The following ADAMTS12 variants were observed in gnomAD, a reference collection of about 807,000 sequenced individuals.
The protein encoded by ADAMTS12 is A disintegrin and metalloproteinase with thrombospondin motifs 12.
In ADAMTS12, 118 loss-of-function variants were observed where a neutral mutation model predicts 167.8. That is an observed-to-expected ratio of 0.70 (90% CI 0.61 to 0.82). The LOEUF (loss-of-function observed/expected upper bound fraction) is 0.82, where lower values mean the gene tolerates loss of function less well. Among genes scored for constraint, ADAMTS12 ranks in the 40% least tolerant of loss-of-function variants. ADAMTS12 has a pLI of 0.00. For synonymous variants in ADAMTS12, 704 were observed against 716.9 expected, an observed-to-expected ratio of 0.98 and a Z score of 0.29; for missense variants, 1,916 against 1,998.8, an observed-to-expected ratio of 0.96 and a Z score of 0.79.
At chr5:33,577,347 G>A (rs988371576) in intron 18 of ADAMTS12, among the ~76,000 whole-genome samples, 187 bp from the exon 19 acceptor site, 1 of 152,158 alleles carries the variant, frequency 6.6e-6, no homozygotes, top group Non-Finnish European at 1.5e-5. Flanking sequence ...GAGACCAGCT[G>A]GGACTCAGTC....
At chr5:33,812,362 G>A (rs543751496) in intron 2 of ADAMTS12, among the ~76,000 whole-genome samples, 1 of 152,250 alleles carries the variant, frequency 6.6e-6, no homozygotes, top group African/African-American at 2.4e-5. Context: ...TCAGTTTTAG[G>A]CAAGTTGGTT....
At chr5:33,733,861 C>T (rs1744277890) in intron 3 of ADAMTS12, among the ~76,000 whole-genome samples, 1 of 152,092 alleles carries the variant, frequency 6.6e-6, no homozygotes, top group African/African-American at 2.4e-5. Context: ...CAGACACAGC[C>T]AAGCAAGTAC....
At chr5:33,701,857 C>T (rs944346849) in intron 3 of ADAMTS12, among the ~76,000 whole-genome samples, 1 of 152,188 alleles carries the variant, frequency 6.6e-6, no homozygotes, top group South Asian at 2.1e-4. Context: ...TTTCCCATTG[C>T]CTGCCTTAAG....
intron 1 of ADAMTS12, among the ~76,000 whole-genome samples, chr5:33,885,173 A>G (rs1750592490): frequency 1.3e-5 from 2 of 152,230 alleles, no homozygotes; most frequent in African/African-American, 2.4e-5. Context: ...GTGAGATGAT[A>G]TATCAAAATA....
At chr5:33,662,975 T>A (rs184972924) in intron 5 of ADAMTS12, among the ~76,000 whole-genome samples, 76 of 152,320 alleles carry the variant, frequency 5.0e-4, no homozygotes, top group African/African-American at 1.8e-3. Context: ...AGTCTCTGCA[T>A]GAAATTATGA....
chr5:33,567,673 T>C (rs1209040619), intron 19 of ADAMTS12, among the ~76,000 whole-genome samples: 1 of 152,190 alleles, frequency 6.6e-6, no homozygotes, highest in African/African-American at 2.4e-5. Flanking sequence ...CTGGATCCAC[T>C]GTGGTAATAG....
intron 3 of ADAMTS12, among the ~76,000 whole-genome samples, chr5:33,696,126 A>G (rs1742750377): frequency 6.6e-6 from 1 of 152,146 alleles, no homozygotes; most frequent in Non-Finnish European, 1.5e-5. Flanking sequence ...ACTAATCGTC[A>G]ATTAACAAAT....
chr5:33,760,607 C>G (rs1745319175), intron 2 of ADAMTS12, among the ~76,000 whole-genome samples: 1 of 152,140 alleles, frequency 6.6e-6, no homozygotes, highest in East Asian at 1.9e-4. Flanking sequence ...CATCTCAAAC[C>G]ATGCATTTCT....
rs187524564 is a variant in ADAMTS12 at position 33,774,251 on chromosome 5, C to A, written c.490-22703G>T. ...GCCGTAAACGAACCAGACATTCCTG[C>A]CCATGGACAATTAGAAGTCCTGACA... On this transcript the variant is annotated intron_variant, in intron 2 of 23. Coordinates refer to ENST00000504830, the MANE Select transcript of ADAMTS12 (RefSeq NM_030955.4). Among the ~76,000 whole-genome samples, 68 of 152,200 alleles carry A rather than the reference C, an allele frequency of 4.5e-4. No individual in the cohort carries two copies. In the East Asian group the frequency reaches 0.013, roughly 29 times the overall value.
intron 3 of ADAMTS12, among the ~76,000 whole-genome samples, chr5:33,703,369 A>G (rs1743069555): frequency 6.6e-6 from 1 of 152,160 alleles, no homozygotes; most frequent in Non-Finnish European, 1.5e-5. Flanking sequence ...CTCATCCATA[A>G]CATCAAAAAG....
chr5:33,760,918 T>TGC (rs1324188419), intron 2 of ADAMTS12, among the ~76,000 whole-genome samples: 9 of 134,652 alleles, frequency 6.7e-5, no homozygotes, highest in African/African-American at 2.1e-4. Flanking sequence ...TGTGTGTGTG[T>TGC]GTGCGTATGC....
Position 33,721,299 on chromosome 5 carries a change from G to A in ADAMTS12, c.634+30105C>T, listed in dbSNP as rs144832834. On this transcript the variant is annotated intron_variant, in intron 3 of 23. Transcript: ENST00000504830. The stretch of plus-strand genomic sequence containing the variant: ...TGGCGTGGGTGTTAGTTACATGGAC[G>A]TGTTCTGTTTGTGAAAGTTTACAAA... 1.2e-4 allele frequency among the ~76,000 whole-genome samples: 18 copies of A among 152,264 alleles called. No individual in the cohort carries two copies. In the East Asian group the frequency reaches 3.1e-3, roughly 26 times the overall value.
At position 33,614,305 on chromosome 5, in the gene ADAMTS12, A is replaced by G. The variant is rs1467105133; in HGVS notation, c.2460T>C (p.Asp820=). 2 of 1,614,020 alleles carry G rather than the reference A, an allele frequency of 1.2e-6. No individual in the cohort carries two copies. Among genetic ancestry groups the G allele is most frequent in the East Asian group, 2.2e-5 (1 of 44,870 alleles). The part of the protein sequence containing the change: ...YTIQKDGLDN[D]VEQQMYFWQY... ...GCCAGAAGTACATCTGCTGCTCAAC[A>G]TCATTGTCAAGGCCATCTTTCTGGA... is the stretch of plus-strand genomic sequence containing the variant. The change falls in exon 16 of 24, where the codon GAT becomes GAC. Residue 820 remains aspartate (D), a synonymous_variant. Coordinates refer to ENST00000504830, the MANE Select transcript of ADAMTS12 (RefSeq NM_030955.4).
intron 3 of ADAMTS12, among the ~76,000 whole-genome samples, chr5:33,721,097 T>C (rs1407201736): frequency 6.6e-6 from 1 of 152,150 alleles, no homozygotes; most frequent in Non-Finnish European, 1.5e-5. Context: ...CAATGTAATG[T>C]GACAGAAAAA....
intron 3 of ADAMTS12, among the ~76,000 whole-genome samples, chr5:33,720,474 A>G (rs1197567483): frequency 6.6e-6 from 1 of 152,182 alleles, no homozygotes; most frequent in Non-Finnish European, 1.5e-5. Flanking sequence ...GCTAAATAGA[A>G]AGACCAGAAC....
intron 22 of ADAMTS12, 28 bp downstream of exon 22, chr5:33,546,031 A>G (rs770918793): frequency 1.3e-6 from 2 of 1,574,972 alleles, no homozygotes; most frequent in African/African-American, 1.4e-5. Context: ...AAGCTAAAGT[A>G]AAAAAAGTAT....
At chr5:33,716,539 C>T (rs573293119) in intron 3 of ADAMTS12, among the ~76,000 whole-genome samples, 3 of 152,228 alleles carry the variant, frequency 2.0e-5, no homozygotes, top group South Asian at 4.1e-4. Context: ...ATTATATACA[C>T]ATTAGTTTCT....
intron 2 of ADAMTS12, among the ~76,000 whole-genome samples, chr5:33,794,501 G>C (rs112964380): frequency 8.7e-6 from 1 of 115,284 alleles, no homozygotes; most frequent in East Asian, 3.0e-4. Context: ...CCAGCCTGCT[G>C]CAGCTTATTC....
chr5:33,818,143 C>T (rs1176626438), intron 2 of ADAMTS12, among the ~76,000 whole-genome samples: 2 of 151,990 alleles, frequency 1.3e-5, no homozygotes, highest in Non-Finnish European at 2.9e-5. Flanking sequence ...TTATTTTCTA[C>T]AACAAAAATC....
Sources: gnomAD v4.1 joint callset for allele counts (sites outside exome capture counted in the v4.1 genomes callset) on GRCh38, gnomAD v4.1.1 for gene constraint, MANE v1.5 for transcripts, NCBI Gene and HGNC (gene_info 2026-07-23, HGNC 2026-07-21) for gene names.